The following LRRC4C variants were observed in gnomAD, a reference collection of about 807,000 sequenced individuals.
LRRC4C encodes the protein leucine rich repeat containing 4C, also known as leucine-rich repeat-containing protein 4C.
Under a neutral mutation model 33.6 loss-of-function variants are expected in LRRC4C, and 5 were observed. The observed-to-expected ratio is 0.15, with a 90% CI of 0.08 to 0.31. The LOEUF is 0.31. LRRC4C is among the 10% of genes least tolerant of loss of function. LRRC4C has a pLI of 1.00. For missense variants in LRRC4C, 560 were observed against 796.7 expected (o/e 0.70, Z 3.58); for synonymous variants, 329 against 302.0 (o/e 1.09, Z -0.93).
At chr11:40,553,629 G>A (rs1957215772) in intron 3 of LRRC4C, among the ~76,000 whole-genome samples, 1 of 152,168 alleles carries the variant, frequency 6.6e-6, no homozygotes. Context: ...TGACTAGTGT[G>A]AGATGGTATG....
At chr11:40,701,521 C>T (rs958301818) in intron 2 of LRRC4C, among the ~76,000 whole-genome samples, 9 of 151,286 alleles carry the variant, frequency 5.9e-5, no homozygotes, top group Non-Finnish European at 7.4e-5. Context: ...TGATGGCAAA[C>T]GTGTGGGCAT....
chr11:41,127,493 T>C (rs1020265812), intron 1 of LRRC4C, among the ~76,000 whole-genome samples: 2 of 152,128 alleles, frequency 1.3e-5, no homozygotes, highest in Non-Finnish European at 2.9e-5. Context: ...TTGCTTTTGG[T>C]ACTCTGAAAT....
chr11:40,606,287 C>A (rs1960580769), intron 3 of LRRC4C, among the ~76,000 whole-genome samples: 1 of 152,100 alleles, frequency 6.6e-6, no homozygotes, highest in South Asian at 2.1e-4. Flanking sequence ...CCAAAAGGAG[C>A]AAGAGATTAC....
At chr11:41,273,732 C>A (rs1591125380) in intron 1 of LRRC4C, among the ~76,000 whole-genome samples, 1 of 152,174 alleles carries the variant, frequency 6.6e-6, no homozygotes, top group East Asian at 1.9e-4. Context: ...AGGTAGAAAT[C>A]ATGTTAACCA....
At chr11:41,075,418 GA>G (rs566575429) in intron 1 of LRRC4C, among the ~76,000 whole-genome samples, 1 of 152,208 alleles carries the variant, frequency 6.6e-6, no homozygotes, top group South Asian at 2.1e-4. Flanking sequence ...AAGCCTCTAG[GA>G]TGGGCTTTTA....
intron 1 of LRRC4C, among the ~76,000 whole-genome samples, chr11:41,404,259 G>A (rs1404987588): frequency 6.6e-6 from 1 of 151,976 alleles, no homozygotes; most frequent in South Asian, 2.1e-4. Context: ...CCCAAGCAAA[G>A]AGCTGAAGCC....
intron 4 of LRRC4C, among the ~76,000 whole-genome samples, chr11:40,260,868 A>G (rs954909311): frequency 6.6e-6 from 1 of 152,160 alleles, no homozygotes. Flanking sequence ...GAATCACAAA[A>G]CATACAAAAA....
Position 40,421,816 on chromosome 11 carries a change from A to G in LRRC4C, c.-269-102095T>C, listed in dbSNP as rs1271520494. 3.3e-5 allele frequency among the ~76,000 whole-genome samples: 5 copies of G among 152,238 alleles called. No individual in the cohort carries two copies. The East Asian group carries it at 5.8e-4, about 18-fold the overall frequency. On this transcript the variant is annotated intron_variant, in intron 3 of 6. Transcript: ENST00000528697. ...TCCATAAAAACCGACACTGAGATGCATTGATCTGTGTCAAAGCTGCTTCAG... is the reference window on the plus strand; with the variant it reads ...TCCATAAAAACCGACACTGAGATGCGTTGATCTGTGTCAAAGCTGCTTCAG...
At chr11:40,463,287 G>T (rs1245538417) in intron 3 of LRRC4C, among the ~76,000 whole-genome samples, 1 of 147,208 alleles carries the variant, frequency 6.8e-6, no homozygotes. Flanking sequence ...GAAGATATAG[G>T]TGTGCGTATG....
chr11:40,769,074 A>G (rs4382893), intron 2 of LRRC4C, among the ~76,000 whole-genome samples: 102,034 of 151,778 alleles, frequency 0.67, 35,025 homozygotes, highest in African/African-American at 0.73. Context: ...GATAATACAC[A>G]GAAAAACCAA....
intron 2 of LRRC4C, among the ~76,000 whole-genome samples, chr11:40,761,496 G>A (rs1225632977): frequency 1.1e-4 from 16 of 152,010 alleles, no homozygotes; most frequent in Admixed American, 5.3e-4. Flanking sequence ...GCTGGGTGTC[G>A]AAATGAATGT....
rs912929548 is a variant in LRRC4C, at chr11:40,782,916, A to ATGTG, written c.-406-134642_-406-134639dup. On this transcript the variant is annotated intron_variant, in intron 2 of 6. Coordinates refer to ENST00000528697, the MANE Select transcript of LRRC4C (RefSeq NM_001258419.2). ...TACATATACATATGTGTATGTATGTATGTGTGTGTATATGTGTGTGTATTT... is the reference window on the plus strand; with the variant it reads ...TACATATACATATGTGTATGTATGTATGTGTGTGTGTGTATATGTGTGTGTATTT... 3.3e-5 allele frequency among the ~76,000 whole-genome samples: 5 copies of ATGTG among 152,156 alleles called. No homozygotes were observed. The South Asian group carries it at 6.2e-4, about 19-fold the overall frequency.
At chr11:41,156,070 A>G (rs928901716) in intron 1 of LRRC4C, among the ~76,000 whole-genome samples, 2 of 152,122 alleles carry the variant, frequency 1.3e-5, no homozygotes, top group African/African-American at 4.8e-5. Flanking sequence ...TAATGATCTG[A>G]ATCGATTCTT....
chr11:40,696,024 T>C (rs1368622792), intron 2 of LRRC4C, among the ~76,000 whole-genome samples: 1 of 136,764 alleles, frequency 7.3e-6, no homozygotes, highest in Non-Finnish European at 1.5e-5. Context: ...ATATGTGGTG[T>C]GTGTGTGTAT....
Position 41,326,884 on chromosome 11 carries a change from A to C in LRRC4C, c.-496+132547T>G, listed in dbSNP as rs957546618. Among the ~76,000 whole-genome samples, 14 of 152,248 alleles carry C rather than the reference A, an allele frequency of 9.2e-5. No homozygotes were observed. In the East Asian group the frequency reaches 2.7e-3, roughly 29 times the overall value. ...CCCGATACTCTATCACAATTAGAAG[A>C]AGCCTGGTAGGCAATATAGAAATCT... is the stretch of plus-strand genomic sequence containing the variant. On this transcript the variant is annotated intron_variant, in intron 1 of 6. Transcript: ENST00000528697.
At chr11:41,333,632 A>G (rs767162973) in intron 1 of LRRC4C, among the ~76,000 whole-genome samples, 23 of 152,156 alleles carry the variant, frequency 1.5e-4, no homozygotes, top group Non-Finnish European at 3.4e-4. Context: ...TACCTTGTCT[A>G]TTAGTGGCAT....
chr11:40,181,458 C>T lies in LRRC4C; in HGVS notation c.-95-40605G>A, dbSNP rs901506384. On this transcript the variant is annotated intron_variant, in intron 5 of 6. Transcript: ENST00000528697. ...TTAGCCTTTTCTGGACTCACCTCTA[C>T]CCCTCAGGCACATGGGGTACACTAC... is the stretch of plus-strand genomic sequence containing the variant. Among the ~76,000 whole-genome samples, 8 of 152,300 alleles carry T rather than the reference C, an allele frequency of 5.3e-5. No individual in the cohort carries two copies. The East Asian group carries it at 1.5e-3, about 29-fold the overall frequency.
intron 1 of LRRC4C, among the ~76,000 whole-genome samples, chr11:41,210,005 A>C (rs942843245): frequency 6.6e-6 from 1 of 152,186 alleles, no homozygotes; most frequent in Non-Finnish European, 1.5e-5. Context: ...AGGAAACGCC[A>C]CGTGAGGATT....
intron 1 of LRRC4C, among the ~76,000 whole-genome samples, chr11:41,236,613 G>A (rs189202380): frequency 1.3e-5 from 2 of 152,026 alleles, no homozygotes; most frequent in Admixed American, 1.3e-4. Context: ...TGTGTAGGGG[G>A]AACAAGTGAT....
Sources: gnomAD v4.1 joint callset for allele counts (sites outside exome capture counted in the v4.1 genomes callset) on GRCh38, gnomAD v4.1.1 for gene constraint, MANE v1.5 for transcripts, NCBI Gene and HGNC (gene_info 2026-07-23, HGNC 2026-07-21) for gene names.